Variants in JUP observed in about 807,000 individuals in gnomAD.
JUP encodes junction plakoglobin, also known as catenin (cadherin-associated protein), gamma 80kDa.
A neutral mutation model predicts 71.1 loss-of-function variants in JUP; 28 were observed. The observed-to-expected ratio is 0.39, with a 90% CI of 0.29 to 0.54. The LOEUF (loss-of-function observed/expected upper bound fraction) is 0.54. Ranked by LOEUF, JUP falls within the 20% of genes least tolerant of loss-of-function variation. The pLI is 0.62. For synonymous variants in JUP, 401 were observed against 438.9 expected (o/e 0.91, Z 1.08); for missense variants, 869 against 1,030.1 (o/e 0.84, Z 2.14).
intron 1 of JUP, among the ~76,000 whole-genome samples, chr17:41,775,077 T>C (rs1172577412): frequency 1.3e-5 from 2 of 149,994 alleles, no homozygotes; most frequent in Non-Finnish European, 3.0e-5. Flanking sequence ...CACTTCAGCC[T>C]GGCTGACAAC....
intron 8 of JUP, among the ~76,000 whole-genome samples, chr17:41,760,451 G>C (rs1161737376): frequency 1.3e-5 from 2 of 151,862 alleles, no homozygotes; most frequent in Non-Finnish European, 2.9e-5. Context: ...GTAGAGATGG[G>C]GTTTCACCGT....
In JUP at chr17:41,757,687, T is replaced by A; in HGVS notation, c.1871A>T (p.Glu624Val). ...CTCCATGAGTGGGGCCGAGGCCCCC[T>A]CTGCATCAATGGCGTCGGCCGCCTC... ...DKEAADAIDA[E>V]GASAPLMELL... The change falls in exon 11 of 14, where the codon GAG (glutamate) becomes GTG (valine). Residue 624 changes from glutamate (E) to valine (V), a missense_variant. Transcript: ENST00000393931. 2 of 1,613,490 alleles carry A rather than the reference T, an allele frequency of 1.2e-6. No homozygotes were observed. Among genetic ancestry groups the A allele is most frequent in the Non-Finnish European group, 1.7e-6 (2 of 1,179,674 alleles).
chr17:41,761,191 G>A (rs1259375338), intron 8 of JUP, among the ~76,000 whole-genome samples: 3 of 152,106 alleles, frequency 2.0e-5, no homozygotes, highest in Non-Finnish European at 4.4e-5. Context: ...CTCCCTATGG[G>A]AGATGCTAAG....
rs955019712 is a variant in JUP at position 41,758,855 on chromosome 17, T to C, written c.1513A>G (p.Ile505Val). The C allele has an allele frequency of 2.5e-6, 4 of 1,607,782 alleles. No homozygotes were observed. The highest frequency in any genetic ancestry group is 3.4e-6 in the Non-Finnish European group (4 of 1,175,718). The change falls in exon 9 of 14, where the codon ATC becomes GTC. Residue 505 changes from isoleucine (I) to valine (V), a missense_variant. Ile to Val is a conservative substitution (Grantham distance 29). Transcript: ENST00000393931. ...WPLVKATIGL[I>V]RNLALCPANH... The stretch of plus-strand genomic sequence containing the variant: ...GCTGGGCACAGGGCCAGATTCCTGA[T>C]CAAGCCGATGGTTGCCTGGCAAAAA...
chr17:41,755,639 A>G lies in JUP; in HGVS notation c.*105T>C. The G allele has an allele frequency of 8.6e-7, 1 of 1,160,352 alleles. No individual in the cohort carries two copies. The highest frequency in any genetic ancestry group is 1.2e-6 in the Non-Finnish European group (1 of 844,482). 71.9% of individuals were successfully genotyped at this position (1,160,352 alleles called of 1,614,324 possible). A position where few individuals can be genotyped will look rare whatever the true frequency, so the allele number is the denominator to read the frequency against. On this transcript the variant is annotated 3_prime_UTR_variant, in exon 14 of 14. Transcript: ENST00000393931. ...TCAGCAGCAAAGGATCCCCCCAAAA[A>G]AGGAGCGCAGGTTTCAGCGGGGAGA...
chr17:41,785,059 C>T (rs1555611378), intron 1 of JUP: 1 of 151,994 alleles, frequency 6.6e-6, no homozygotes, highest in Admixed American at 6.5e-5. Context: ...ATTGAAGAAA[C>T]CTTCCCCCAA....
intron 1 of JUP, among the ~76,000 whole-genome samples, chr17:41,777,908 G>A (rs1412801326): frequency 6.6e-6 from 1 of 152,212 alleles, no homozygotes; most frequent in Non-Finnish European, 1.5e-5. Context: ...CCCTGCTGGT[G>A]ACCCCCGTGG....
chr17:41,757,624 C>A lies in JUP; in HGVS notation c.1924+10G>T. On this transcript the variant is annotated intron_variant, in intron 11 of 13. Coordinates refer to ENST00000393931, the MANE Select transcript of JUP (RefSeq NM_002230.4). Reference sequence around the variant, plus strand: ...AGTGGGACCCAGCCTCCTGCCCTCCCCCAGCTCACCAGTGCCCTCGTTGCG... The same window carrying A: ...AGTGGGACCCAGCCTCCTGCCCTCCACCAGCTCACCAGTGCCCTCGTTGCG... 1 of 1,613,812 alleles carries A rather than the reference C, an allele frequency of 6.2e-7. No individual in the cohort carries two copies. The highest frequency in any genetic ancestry group is 8.5e-7 in the Non-Finnish European group (1 of 1,179,874).
In JUP at chr17:41,764,823, C is replaced by G. The variant is rs1915441393; in HGVS notation, c.1055-7G>C. ...CCCAGGGCCTGCATCCCACCTGGGG[C>G]AGGGATAGGGGTGCCATCAGCCACG... On this transcript the variant is annotated splice_region_variant and splice_polypyrimidine_tract_variant and intron_variant, in intron 6 of 13. Coordinates refer to ENST00000393931, the MANE Select transcript of JUP (RefSeq NM_002230.4). The G allele has an allele frequency of 6.2e-7, 1 of 1,613,766 alleles. No homozygotes were observed. The highest frequency in any genetic ancestry group is 8.5e-7 in the Non-Finnish European group (1 of 1,179,858).
chr17:41,779,336 T>A (rs1421408008), intron 1 of JUP, among the ~76,000 whole-genome samples: 36 of 128,840 alleles, frequency 2.8e-4, no homozygotes, highest in Non-Finnish European at 5.5e-4. Flanking sequence ...CTTCCCAATT[T>A]TTTTTTTTTT....
chr17:41,776,004 AC>A (rs782690788), intron 1 of JUP: 65 of 985,286 alleles, frequency 6.6e-5, no homozygotes, highest in Non-Finnish European at 7.5e-5. Context: ...CCCAGCCGGC[AC>A]CTGCCAAGGA....
chr17:41,768,843 A>C, intron 4 of JUP, 126 bp downstream of exon 4: 1 of 783,066 alleles, frequency 1.3e-6, no homozygotes. Context: ...GAGCACCCGG[A>C]TGGGGTGTGC....
intron 1 of JUP, among the ~76,000 whole-genome samples, chr17:41,783,444 C>A (rs1555610812): frequency 1.3e-5 from 2 of 151,712 alleles, no homozygotes; most frequent in South Asian, 2.1e-4. Flanking sequence ...TGCACCACCA[C>A]GCCCGGCTAA....
At chr17:41,776,219 A>C (rs1555608616) in intron 1 of JUP, among the ~76,000 whole-genome samples, 1 of 152,268 alleles carries the variant, frequency 6.6e-6, no homozygotes, top group African/African-American at 2.4e-5. Flanking sequence ...CACCCTGTGC[A>C]GACACAGGTC....
intron 1 of JUP, among the ~76,000 whole-genome samples, chr17:41,780,245 A>T (rs1198386299): frequency 2.0e-5 from 3 of 152,002 alleles, no homozygotes; most frequent in African/African-American, 7.3e-5. Flanking sequence ...CAAAACTTTA[A>T]AAATTAGCTG....
chr17:41,782,065 G>A (rs989447156), intron 1 of JUP, among the ~76,000 whole-genome samples: 1 of 152,198 alleles, frequency 6.6e-6, no homozygotes, highest in Non-Finnish European at 1.5e-5. Context: ...CAGAAGCGCG[G>A]TAGTGACAGG....
chr17:41,773,668 G>A (rs1917013530), intron 1 of JUP, among the ~76,000 whole-genome samples: 2 of 152,160 alleles, frequency 1.3e-5, no homozygotes, highest in Admixed American at 1.3e-4. Context: ...GCCACTGGCA[G>A]GAAACAGGGG....
At chr17:41,766,584 G>A (rs1284753810) in intron 5 of JUP, among the ~76,000 whole-genome samples, 1 of 152,068 alleles carries the variant, frequency 6.6e-6, no homozygotes, top group Non-Finnish European at 1.5e-5. Flanking sequence ...GTGGGGCACG[G>A]TGTCTCATGC....
intron 2 of JUP, chr17:41,771,281 C>G (rs1402495476): frequency 3.2e-6 from 1 of 309,060 alleles, no homozygotes; most frequent in African/African-American, 2.1e-5. Flanking sequence ...ATCTGCCCAC[C>G]TCAGCCTCCC....
Sources: gnomAD v4.1 joint callset for allele counts (sites outside exome capture counted in the v4.1 genomes callset) on GRCh38, gnomAD v4.1.1 for gene constraint, MANE v1.5 for transcripts, NCBI Gene and HGNC (gene_info 2026-07-23, HGNC 2026-07-21) for gene names.